Variants in CNTN3 observed in about 807,000 individuals in gnomAD.
The protein encoded by CNTN3 is contactin 3, also known as contactin-3.
A neutral mutation model predicts 119.1 loss-of-function variants in CNTN3; 60 were observed. That is an observed-to-expected ratio of 0.50 (90% confidence interval 0.41 to 0.62). The LOEUF (loss-of-function observed/expected upper bound fraction) is 0.62. Among genes scored for constraint, CNTN3 ranks in the 20% least tolerant of loss-of-function variants. The pLI, the probability that CNTN3 is intolerant of heterozygous loss-of-function variation, is 0.00. For missense variants in CNTN3, 1,101 were observed against 1,242.4 expected (o/e 0.89, Z 1.71); for synonymous variants, 450 against 438.7 (o/e 1.03, Z -0.32).
At chr3:74,313,790 A>T (rs1344517091) in intron 13 of CNTN3, among the ~76,000 whole-genome samples, 1 of 152,154 alleles carries the variant, frequency 6.6e-6, no homozygotes, top group Non-Finnish European at 1.5e-5. Context: ...TAGATGATAC[A>T]TGTTTCATTT....
chr3:74,389,411 T>C (rs2106825576), intron 5 of CNTN3, among the ~76,000 whole-genome samples: 1 of 152,228 alleles, frequency 6.6e-6, no homozygotes, highest in South Asian at 2.1e-4. Context: ...TAAATAAAAA[T>C]AAGTCCCAAA....
chr3:74,330,979 G>A lies in CNTN3; in HGVS notation c.1668+3756C>T, dbSNP rs146220142. 4.4e-3 allele frequency among the ~76,000 whole-genome samples: 663 copies of A among 152,270 alleles called. 5 individuals are homozygous for A. Among genetic ancestry groups the A allele is most frequent in the South Asian group, 0.018 (88 of 4,826 alleles). ...CAAAACAGTCAAAAAGTCTAAAAAG[G>A]TTAAAAGTTTATAAAGTAAAAAAGT... is the stretch of plus-strand genomic sequence containing the variant. On this transcript the variant is annotated intron_variant, in intron 13 of 22. Transcript: ENST00000263665.
chr3:74,336,150 T>A (rs1027031972), intron 12 of CNTN3, among the ~76,000 whole-genome samples: 1 of 152,090 alleles, frequency 6.6e-6, no homozygotes, highest in African/African-American at 2.4e-5. Context: ...AAGCAATTCT[T>A]ATTTATATCC....
intron 4 of CNTN3, among the ~76,000 whole-genome samples, chr3:74,481,933 G>T (rs1434329311): frequency 6.6e-6 from 1 of 151,466 alleles, no homozygotes; most frequent in Non-Finnish European, 1.5e-5. Flanking sequence ...TAGTATATTA[G>T]AAAACATAAA....
chr3:74,514,385 G>T (rs1018189858), intron 2 of CNTN3, among the ~76,000 whole-genome samples: 21 of 152,216 alleles, frequency 1.4e-4, no homozygotes, highest in Middle Eastern at 3.4e-3. Flanking sequence ...ATTCTTCAAA[G>T]AAATTAATAT....
intron 1 of CNTN3, among the ~76,000 whole-genome samples, chr3:74,603,982 G>A (rs1271998460): frequency 1.3e-5 from 2 of 152,014 alleles, no homozygotes. Flanking sequence ...TATCCCATCA[G>A]AACAGAACAG....
chr3:74,356,711 CT>C (rs1703942668), intron 11 of CNTN3, among the ~76,000 whole-genome samples: 3 of 152,050 alleles, frequency 2.0e-5, no homozygotes, highest in Admixed American at 2.0e-4. Context: ...CTCATAGCAG[CT>C]TTTTGAAGAC....
At chr3:74,551,399 T>C (rs1703988015) in intron 1 of CNTN3, among the ~76,000 whole-genome samples, 1 of 152,138 alleles carries the variant, frequency 6.6e-6, no homozygotes, top group South Asian at 2.1e-4. Flanking sequence ...TCAACACACA[T>C]GCACACATCC....
At chr3:74,288,080 C>CT (rs909177401) in intron 19 of CNTN3, among the ~76,000 whole-genome samples, 3 of 150,668 alleles carry the variant, frequency 2.0e-5, no homozygotes, top group East Asian at 2.0e-4. Flanking sequence ...ATGCATAAGT[C>CT]TTTTTTTTCC....
At chr3:74,350,992 T>A (rs1477204833) in intron 11 of CNTN3, among the ~76,000 whole-genome samples, 1 of 152,114 alleles carries the variant, frequency 6.6e-6, no homozygotes, top group Non-Finnish European at 1.5e-5. Flanking sequence ...GTTCACTATA[T>A]TTGGGTGATG....
At chr3:74,533,293 T>C (rs1703718406) in intron 1 of CNTN3, among the ~76,000 whole-genome samples, 1 of 152,062 alleles carries the variant, frequency 6.6e-6, no homozygotes, top group Admixed American at 6.6e-5. Flanking sequence ...CTGAAACTAC[T>C]CAGGGAGCTC....
At chr3:74,450,697 G>A (rs1440477491) in intron 4 of CNTN3, among the ~76,000 whole-genome samples, 2 of 124,226 alleles carry the variant, frequency 1.6e-5, no homozygotes, top group African/African-American at 6.4e-5. Context: ...AGAGTGTGAT[G>A]TTCCCCTTCC....
At chr3:74,520,057 G>A (rs765328735) in intron 2 of CNTN3, among the ~76,000 whole-genome samples, 3 of 151,368 alleles carry the variant, frequency 2.0e-5, no homozygotes, top group East Asian at 1.9e-4. Context: ...GCCTCATTCC[G>A]CACTCATTTT....
intron 1 of CNTN3, among the ~76,000 whole-genome samples, chr3:74,540,358 G>A (rs1703825360): frequency 1.3e-5 from 2 of 152,040 alleles, no homozygotes; most frequent in South Asian, 4.1e-4. Context: ...CACACCACAA[G>A]TTGATATGAA....
intron 4 of CNTN3, among the ~76,000 whole-genome samples, chr3:74,439,368 G>A (rs558097591): frequency 4.0e-5 from 6 of 151,040 alleles, no homozygotes; most frequent in South Asian, 2.1e-4. Flanking sequence ...TTAGCCAGGC[G>A]TGGTGGCACA....
chr3:74,379,891 T>C (rs564041741), intron 5 of CNTN3, among the ~76,000 whole-genome samples: 52 of 152,206 alleles, frequency 3.4e-4, no homozygotes, highest in South Asian at 1.5e-3. Context: ...AAGAAAGGAG[T>C]TTAAATTTTC....
At chr3:74,517,136 C>G (rs1703463813) in intron 2 of CNTN3, among the ~76,000 whole-genome samples, 1 of 151,924 alleles carries the variant, frequency 6.6e-6, no homozygotes, top group Non-Finnish European at 1.5e-5. Flanking sequence ...CAGAATCCAT[C>G]TAGGAGAGGG....
intron 1 of CNTN3, among the ~76,000 whole-genome samples, chr3:74,560,255 C>T (rs562229440): frequency 1.1e-4 from 16 of 152,210 alleles, no homozygotes; most frequent in African/African-American, 3.9e-4. Context: ...TAAGTTAATA[C>T]CTACAGAGCA....
intron 4 of CNTN3, among the ~76,000 whole-genome samples, chr3:74,484,510 A>AT (rs1389816237): frequency 2.0e-5 from 3 of 152,172 alleles, no homozygotes; most frequent in South Asian, 2.1e-4. Context: ...TAAAACTAAA[A>AT]TATATAAAAG....
Sources: gnomAD v4.1 joint callset for allele counts (sites outside exome capture counted in the v4.1 genomes callset) on GRCh38, gnomAD v4.1.1 for gene constraint, MANE v1.5 for transcripts, NCBI Gene and HGNC (gene_info 2026-07-23, HGNC 2026-07-21) for gene names.